The following ATP11A variants were observed in gnomAD, a reference collection of about 807,000 sequenced individuals.
ATP11A encodes ATPase phospholipid transporting 11A, also known as phospholipid-transporting ATPase IH.
In ATP11A, 81 loss-of-function variants were observed where a neutral mutation model predicts 154.4. That is an observed-to-expected ratio of 0.52 (90% confidence interval 0.44 to 0.63). The LOEUF (loss-of-function observed/expected upper bound fraction) is 0.63, where lower values mean the gene tolerates loss of function less well. Ranked by LOEUF, ATP11A falls within the 30% of genes least tolerant of loss-of-function variation. ATP11A has a pLI of 0.00. For missense variants in ATP11A, 1,316 were observed against 1,474.3 expected (o/e 0.89, Z 1.76); for synonymous variants, 623 against 585.9 (o/e 1.06, Z -0.91).
In ATP11A at chr13:112,728,258, A is replaced by C. The variant is rs562537207; in HGVS notation, c.39+37803A>C. 2.0e-3 allele frequency among the ~76,000 whole-genome samples: 303 copies of C among 149,988 alleles called. 1 individual carries two copies. Among genetic ancestry groups the C allele is most frequent in the Non-Finnish European group, 3.5e-3 (237 of 67,426 alleles). Reference sequence around the variant, plus strand: ...GAGGGGCCATGAGACCATGCGGCCCACCTCCCTGTGTTACCTGTATGTACC... The same window carrying C: ...GAGGGGCCATGAGACCATGCGGCCCCCCTCCCTGTGTTACCTGTATGTACC... On this transcript the variant is annotated intron_variant, in intron 1 of 29. Transcript: ENST00000375645.
At chr13:112,729,814 G>A (rs1026623725) in intron 1 of ATP11A, among the ~76,000 whole-genome samples, 8 of 152,194 alleles carry the variant, frequency 5.3e-5, no homozygotes, top group East Asian at 1.9e-4. Context: ...GGAACTCTTC[G>A]AGGAAAAAAA....
chr13:112,783,153 G>T (rs946478635), intron 1 of ATP11A, among the ~76,000 whole-genome samples: 2 of 152,214 alleles, frequency 1.3e-5, no homozygotes, highest in African/African-American at 4.8e-5. Flanking sequence ...GTGGGACAGT[G>T]TGGAAAGACT....
intron 25 of ATP11A, 150 bp from the exon 26 acceptor site, chr13:112,871,585 G>A (rs563975937): frequency 2.4e-4 from 168 of 710,254 alleles, no homozygotes; most frequent in African/African-American, 2.1e-3. Flanking sequence ...CTTCTTTTAC[G>A]GGATAATAAG....
At chr13:112,855,619 A>G (rs1002097200) in intron 19 of ATP11A, among the ~76,000 whole-genome samples, 5 of 152,236 alleles carry the variant, frequency 3.3e-5, no homozygotes, top group Admixed American at 3.3e-4. Flanking sequence ...AAGATCTTAG[A>G]CCACAAGATG....
chr13:112,744,225 C>T (rs908813477), intron 1 of ATP11A, among the ~76,000 whole-genome samples: 2 of 152,114 alleles, frequency 1.3e-5, no homozygotes, highest in Non-Finnish European at 1.5e-5. Context: ...GTGCAGTGTT[C>T]TGTATGTTGA....
At chr13:112,878,674 G>A (rs1420924664) in intron 29 of ATP11A, among the ~76,000 whole-genome samples, 1 of 152,160 alleles carries the variant, frequency 6.6e-6, no homozygotes, top group East Asian at 1.9e-4. Context: ...GGTCATCCAG[G>A]CTCTGAGCTC....
intron 2 of ATP11A, among the ~76,000 whole-genome samples, chr13:112,791,188 AC>A (rs2077844598): frequency 6.6e-6 from 1 of 152,252 alleles, no homozygotes; most frequent in African/African-American, 2.4e-5. Context: ...GCCCAGAGGT[AC>A]AGAGAGGCAG....
intron 25 of ATP11A, 61 bp from the exon 26 acceptor site, chr13:112,871,652 GTGTATTTTCTAAAACTCTTGAT>G (rs2080524450): frequency 7.9e-7 from 1 of 1,269,794 alleles, no homozygotes; most frequent in Non-Finnish European, 1.2e-6. Flanking sequence ...GAAAAATGAG[GTGTATTTTCTAAAACTCTTGAT>G]TGTGAAAGAG....
chr13:112,879,486 C>T (rs1165599972), intron 29 of ATP11A, among the ~76,000 whole-genome samples: 1 of 152,202 alleles, frequency 6.6e-6, no homozygotes, highest in Non-Finnish European at 1.5e-5. Context: ...TTAAATCATG[C>T]CAACTCTGAG....
At chr13:112,788,075 T>C (rs796073885) in intron 2 of ATP11A, among the ~76,000 whole-genome samples, 12 of 144,836 alleles carry the variant, frequency 8.3e-5, no homozygotes, top group African/African-American at 1.6e-4. Flanking sequence ...CCTACTTAAT[T>C]CACACCGGGT....
intron 1 of ATP11A, among the ~76,000 whole-genome samples, chr13:112,694,025 G>C (rs1336082864): frequency 6.6e-6 from 1 of 152,208 alleles, no homozygotes; most frequent in Non-Finnish European, 1.5e-5. Flanking sequence ...TGTAAGGTGA[G>C]CAACACCGAT....
chr13:112,716,278 G>A (rs1388073622), intron 1 of ATP11A, among the ~76,000 whole-genome samples: 5 of 152,210 alleles, frequency 3.3e-5, no homozygotes, highest in Non-Finnish European at 7.3e-5. Flanking sequence ...TTAGCAAGTC[G>A]CATCTCTCTC....
At chr13:112,710,281 G>A (rs1255529154) in intron 1 of ATP11A, among the ~76,000 whole-genome samples, 1 of 152,226 alleles carries the variant, frequency 6.6e-6, no homozygotes, top group Non-Finnish European at 1.5e-5. Context: ...CATCGTGTTC[G>A]CAAAGCCAGC....
rs905172770 is a variant in ATP11A, at chr13:112,824,530, G to A, written c.872+105G>A. On this transcript the variant is annotated intron_variant, in intron 10 of 29. Coordinates refer to ENST00000375645, the MANE Select transcript of ATP11A (RefSeq NM_015205.3). Reference sequence around the variant, plus strand: ...CCTTATTGGCAGTTCCTTTGCCACTGTACAGCATCTTAGTAACTGCAGAGC... The same window carrying A: ...CCTTATTGGCAGTTCCTTTGCCACTATACAGCATCTTAGTAACTGCAGAGC... The A allele has an allele frequency of 2.2e-5, 22 of 1,016,246 alleles. No homozygotes were observed. The African/African-American group carries it at 3.0e-4, about 14-fold the overall frequency. The allele number at this position is 1,016,246 out of a possible 1,614,324, so 63.0% of individuals were successfully genotyped here.
rs111826830 is a variant in ATP11A, at chr13:112,838,421, C to T, written c.1705+2170C>T. 8.9e-3 allele frequency among the ~76,000 whole-genome samples: 1,352 copies of T among 152,296 alleles called. 23 individuals carry two copies. Among genetic ancestry groups the T allele is most frequent in the African/African-American group, 0.03 (1,250 of 41,558 alleles). Reference sequence around the variant, plus strand: ...TAGCAGTCGAATCTAGCTGTTGAGCCGTGGCTGGAACATGCTGCCCGTGAC... The same window carrying T: ...TAGCAGTCGAATCTAGCTGTTGAGCTGTGGCTGGAACATGCTGCCCGTGAC... On this transcript the variant is annotated intron_variant, in intron 16 of 29. Coordinates refer to ENST00000375645, the MANE Select transcript of ATP11A (RefSeq NM_015205.3). This position sits in a 1 kb window ranked among gnomAD's most constrained non-coding sequence, Gnocchi z 7.3.
Position 112,692,283 on chromosome 13 carries a change from G to T in ATP11A, c.39+1828G>T, listed in dbSNP as rs1594298079. Among the ~76,000 whole-genome samples the T allele has an allele frequency of 5.3e-5, 8 of 152,186 alleles. No individual in the cohort carries two copies. The South Asian group carries it at 1.7e-3, about 32-fold the overall frequency. The stretch of plus-strand genomic sequence containing the variant: ...TCATTCCGTTCCCTTCTAACACTCA[G>T]TGTTAAAAAGGAGGGTCACGTTGTG... On this transcript the variant is annotated intron_variant, in intron 1 of 29. Transcript: ENST00000375645.
intron 19 of ATP11A, among the ~76,000 whole-genome samples, chr13:112,855,568 G>C (rs981659274): frequency 2.0e-5 from 3 of 152,176 alleles, no homozygotes; most frequent in African/African-American, 7.2e-5. Flanking sequence ...GGACTTAGCT[G>C]TAAAGACTGT....
chr13:112,881,644 G>T, intron 29 of ATP11A: 1 of 1,196,598 alleles, frequency 8.4e-7, no homozygotes, highest in Non-Finnish European at 1.1e-6. Flanking sequence ...TGGCTTCTCT[G>T]GTGGGGTGGA....
At chr13:112,809,734 C>A (rs915837218) in intron 4 of ATP11A, among the ~76,000 whole-genome samples, 1 of 152,182 alleles carries the variant, frequency 6.6e-6, no homozygotes, top group Non-Finnish European at 1.5e-5. Flanking sequence ...GAACGGCATT[C>A]CCCATCCTTA....
Sources: allele counts gnomAD v4.1 joint callset (sites outside exome capture counted in the v4.1 genomes callset), GRCh38; gene constraint gnomAD v4.1.1; non-coding constraint Gnocchi (gnomAD v3.1); transcripts MANE v1.5; gene names NCBI Gene and HGNC (gene_info 2026-07-23, HGNC 2026-07-21).